Variants in CA5A observed in about 807,000 individuals in gnomAD.
CA5A encodes carbonic anhydrase 5A.
CA5A carries 28 observed loss-of-function variants against 37.1 expected under a neutral mutation model. That is an observed-to-expected ratio of 0.75 (90% CI 0.56 to 1.03). The LOEUF (loss-of-function observed/expected upper bound fraction) is 1.03. CA5A is among the 50% of genes least tolerant of loss of function. The pLI is 0.00. For missense variants in CA5A, 444 were observed against 399.9 expected (o/e 1.11, Z -0.94); for synonymous variants, 171 against 158.4 (o/e 1.08, Z -0.60).
chr16:87,897,961 A>G (rs1293667589), intron 5 of CA5A, among the ~76,000 whole-genome samples: 1 of 152,088 alleles, frequency 6.6e-6, no homozygotes, highest in Non-Finnish European at 1.5e-5. Context: ...GGGAGTGGTA[A>G]ACAGGATGCC....
At chr16:87,929,256 A>C (rs1261345898) in intron 1 of CA5A, among the ~76,000 whole-genome samples, 3 of 150,464 alleles carry the variant, frequency 2.0e-5, no homozygotes, top group Non-Finnish European at 4.4e-5. Context: ...GTTTGAGACC[A>C]GCCTGGCCAA....
chr16:87,934,531 T>A (rs1394760810), intron 1 of CA5A, among the ~76,000 whole-genome samples: 1 of 152,054 alleles, frequency 6.6e-6, no homozygotes, highest in Non-Finnish European at 1.5e-5. Context: ...ATCGCACCAC[T>A]GCGCTCCAGC....
chr16:87,915,977 C>T (rs998096730), intron 2 of CA5A, among the ~76,000 whole-genome samples: 5 of 151,810 alleles, frequency 3.3e-5, no homozygotes, highest in Non-Finnish European at 2.9e-5. Context: ...GGGGAGGCCT[C>T]GCAATCACGG....
intron 1 of CA5A, among the ~76,000 whole-genome samples, chr16:87,929,682 C>T (rs1490080566): frequency 6.6e-6 from 1 of 151,482 alleles, no homozygotes; most frequent in South Asian, 2.1e-4. Flanking sequence ...ACCATCCTGG[C>T]TAACACCGTG....
intron 1 of CA5A, 136 bp downstream of exon 1, chr16:87,936,171 TAA>T (rs57177923): frequency 0.033 from 14,079 of 426,310 alleles, no homozygotes; most frequent in Non-Finnish European, 0.036. Context: ...GACGCCATCT[TAA>T]AAAAAAAAAA....
intron 2 of CA5A, among the ~76,000 whole-genome samples, chr16:87,917,233 T>C (rs532394415): frequency 2.0e-5 from 3 of 152,172 alleles, no homozygotes; most frequent in Non-Finnish European, 2.9e-5. Flanking sequence ...CTGGTCACAG[T>C]TGATTGGACA....
intron 2 of CA5A, chr16:87,923,649 G>T (rs573754812): frequency 4.1e-6 from 4 of 985,356 alleles, no homozygotes; most frequent in Admixed American, 1.2e-4. Flanking sequence ...GTCAGCTCAG[G>T]GTCAGCCACC....
At chr16:87,926,020 C>T (rs1291390992) in intron 2 of CA5A, among the ~76,000 whole-genome samples, 13 of 152,100 alleles carry the variant, frequency 8.5e-5, no homozygotes, top group Non-Finnish European at 1.2e-4. Flanking sequence ...GTCAGGGGTT[C>T]GAGAGCAGCC....
intron 5 of CA5A, among the ~76,000 whole-genome samples, chr16:87,900,416 T>C (rs892579137): frequency 3.9e-5 from 6 of 152,148 alleles, no homozygotes; most frequent in African/African-American, 1.4e-4. Context: ...CACGTACAGA[T>C]CAAACGTCTC....
Position 87,911,869 on chromosome 16 carries a change from T to A in CA5A, c.341-6965A>T, listed in dbSNP as rs951462177. ...ACGTTTATAAAAGGATAATGATGCC[T>A]ACTTCAGGGGCCCATGGCAAGGATT... On this transcript the variant is annotated intron_variant, in intron 2 of 6. Transcript: ENST00000649794. The surrounding 1 kb of genome is among the most constrained non-coding windows in gnomAD (Gnocchi z 4.6). 6.6e-6 allele frequency among the ~76,000 whole-genome samples: 1 copy of A among 152,202 alleles called. No individual in the cohort carries two copies. The highest frequency in any genetic ancestry group is 1.5e-5 in the Non-Finnish European group (1 of 68,040).
chr16:87,895,518 C>A (rs1370162978), intron 5 of CA5A, among the ~76,000 whole-genome samples: 2 of 152,198 alleles, frequency 1.3e-5, no homozygotes, highest in Non-Finnish European at 2.9e-5. Flanking sequence ...GCACTCCAGC[C>A]TGGGCAACAA....
chr16:87,900,847 T>A (rs2055868050), intron 5 of CA5A, among the ~76,000 whole-genome samples: 2 of 152,248 alleles, frequency 1.3e-5, no homozygotes, highest in Admixed American at 6.5e-5. Flanking sequence ...TTTGTTTCAA[T>A]CTGTTTTAAA....
intron 2 of CA5A, among the ~76,000 whole-genome samples, chr16:87,914,388 G>A (rs1460035961): frequency 3.9e-5 from 6 of 152,208 alleles, no homozygotes; most frequent in Non-Finnish European, 8.8e-5. Context: ...GTGGGATGAT[G>A]GCATATTGAC....
At chr16:87,886,144 T>TTTTC (rs2055646114), downstream of CA5A, 1 of 68,464 alleles carries the variant, frequency 1.5e-5, no homozygotes, top group Admixed American at 1.2e-4. Context: ...CTGGATCAAG[T>TTTTC]TTTTTTTTTT....
intron 3 of CA5A, among the ~76,000 whole-genome samples, 179 bp downstream of exon 3, chr16:87,904,607 G>T (rs1396755209): frequency 1.3e-5 from 2 of 152,160 alleles, no homozygotes; most frequent in Non-Finnish European, 2.9e-5. Context: ...CGCCTTCCTC[G>T]TAGGAGAGGT....
intron 1 of CA5A, among the ~76,000 whole-genome samples, chr16:87,931,311 C>T (rs1307828559): frequency 2.0e-5 from 3 of 151,568 alleles, no homozygotes; most frequent in Admixed American, 1.3e-4. Flanking sequence ...GGGGTTTCAC[C>T]ATGTTGGCCA....
chr16:87,928,408 C>A (rs1286435284), intron 1 of CA5A, among the ~76,000 whole-genome samples: 4 of 152,272 alleles, frequency 2.6e-5, no homozygotes, highest in African/African-American at 9.6e-5. Context: ...AAGTGATTCT[C>A]CTGCCTGTCC....
intron 2 of CA5A, among the ~76,000 whole-genome samples, chr16:87,922,897 G>A (rs1267079348): frequency 2.0e-5 from 3 of 152,260 alleles, no homozygotes; most frequent in Non-Finnish European, 4.4e-5. Context: ...GCCTCTGGCC[G>A]AGGAGTTCCC....
intron 1 of CA5A, among the ~76,000 whole-genome samples, chr16:87,930,803 C>T (rs1478112517): frequency 4.7e-5 from 7 of 149,734 alleles, no homozygotes; most frequent in African/African-American, 9.9e-5. Context: ...TGCAGTGACG[C>T]GATCTCAGCT....
Sources: gnomAD v4.1 joint callset for allele counts (sites outside exome capture counted in the v4.1 genomes callset) on GRCh38, gnomAD v4.1.1 for gene constraint, Gnocchi (gnomAD v3.1) non-coding constraint, MANE v1.5 for transcripts, NCBI Gene and HGNC (gene_info 2026-07-23, HGNC 2026-07-21) for gene names.